Variants in GRIN2B observed in about 807,000 individuals in gnomAD.
GRIN2B encodes glutamate ionotropic receptor NMDA type subunit 2B.
In GRIN2B, 5 loss-of-function variants were observed where a neutral mutation model predicts 114.5. The observed-to-expected ratio is 0.04, with a 90% CI of 0.02 to 0.09. GRIN2B has a LOEUF of 0.09. GRIN2B is among the 10% of genes least tolerant of loss of function. The probability of loss-of-function intolerance (pLI) is 1.00; values close to 1 mark genes in which losing one functional copy is unlikely to be tolerated. For synonymous variants in GRIN2B, 787 were observed against 745.1 expected (o/e 1.06, Z -0.92); for missense variants, 1,108 against 1,943.5 (o/e 0.57, Z 8.08).
intron 2 of GRIN2B, among the ~76,000 whole-genome samples, chr12:13,867,882 T>G (rs990266338): frequency 1.4e-5 from 2 of 145,100 alleles, no homozygotes; most frequent in African/African-American, 5.1e-5. Flanking sequence ...GCTTCAGATC[T>G]CCTGCTTGTT....
chr12:13,726,489 C>T (rs150265317), intron 4 of GRIN2B, among the ~76,000 whole-genome samples: 2,337 of 150,868 alleles, frequency 0.015, 66 homozygotes, highest in African/African-American at 0.054. Flanking sequence ...GAGCCAAGAT[C>T]ATGCCACTGC....
At chr12:13,759,009 T>C (rs1287679204) in intron 3 of GRIN2B, among the ~76,000 whole-genome samples, 2 of 139,438 alleles carry the variant, frequency 1.4e-5, no homozygotes, top group East Asian at 4.1e-4. Flanking sequence ...TTTTTTTTTT[T>C]TTTTTTTTTT....
At chr12:13,696,933 G>A (rs79671488) in intron 4 of GRIN2B, among the ~76,000 whole-genome samples, 14,150 of 152,174 alleles carry the variant, frequency 0.093, 844 homozygotes, top group Middle Eastern at 0.23. Flanking sequence ...TGCTTTAGCC[G>A]TTCTTTATGC....
At chr12:13,692,915 C>T (rs1272230680) in intron 4 of GRIN2B, among the ~76,000 whole-genome samples, 2 of 150,878 alleles carry the variant, frequency 1.3e-5, no homozygotes, top group Non-Finnish European at 3.0e-5. Flanking sequence ...ATTACAGGCG[C>T]CTGCCACCAC....
intron 10 of GRIN2B, among the ~76,000 whole-genome samples, chr12:13,576,138 T>G (rs1270998847): frequency 2.6e-5 from 4 of 152,186 alleles, no homozygotes; most frequent in Non-Finnish European, 4.4e-5. Context: ...TGGTGAGATC[T>G]GTGAAGTTTA....
chr12:13,886,880 C>CA (rs1206847118), intron 2 of GRIN2B, among the ~76,000 whole-genome samples: 1 of 152,322 alleles, frequency 6.6e-6, no homozygotes, highest in East Asian at 1.9e-4. Context: ...ATGCACACTC[C>CA]AAGTGCTTTA....
At chr12:13,854,077 T>C (rs914308527) in intron 3 of GRIN2B, among the ~76,000 whole-genome samples, 2 of 152,122 alleles carry the variant, frequency 1.3e-5, no homozygotes, top group Admixed American at 1.3e-4. Context: ...AGTTTTGAAC[T>C]GATGGTAGAG....
At chr12:13,832,896 A>T (rs1200289649) in intron 3 of GRIN2B, among the ~76,000 whole-genome samples, 1 of 152,182 alleles carries the variant, frequency 6.6e-6, no homozygotes, top group East Asian at 1.9e-4. Flanking sequence ...TTATATGTTT[A>T]CCATGAAATT....
chr12:13,814,418 A>T (rs147977114), intron 3 of GRIN2B, among the ~76,000 whole-genome samples: 14 of 152,196 alleles, frequency 9.2e-5, no homozygotes, highest in African/African-American at 3.4e-4. Context: ...CTTATTTTAT[A>T]TGTTTTAGGA....
chr12:13,946,370 A>T (rs7310209), intron 2 of GRIN2B, among the ~76,000 whole-genome samples: 6,965 of 152,210 alleles, frequency 0.046, 531 homozygotes, highest in African/African-American at 0.16. Flanking sequence ...ATCCATTTTT[A>T]AAATGTAAGA....
chr12:13,699,829 C>A lies in GRIN2B; in HGVS notation c.1011-23970G>T, dbSNP rs180883415. On this transcript the variant is annotated intron_variant, in intron 4 of 13. Coordinates refer to ENST00000609686, the MANE Select transcript of GRIN2B (RefSeq NM_000834.5). ...GTCTTGAACTCCTGACCTTGTGATCCGCCCACCTCAGCCTCCCGAAGTGCT... is the reference window on the plus strand; with the variant it reads ...GTCTTGAACTCCTGACCTTGTGATCAGCCCACCTCAGCCTCCCGAAGTGCT... Among the ~76,000 whole-genome samples the A allele has an allele frequency of 5.9e-3, 895 of 151,596 alleles. 3 individuals are homozygous for A. The highest frequency in any genetic ancestry group is 0.01 in the Non-Finnish European group (682 of 67,896).
intron 9 of GRIN2B, among the ~76,000 whole-genome samples, chr12:13,611,107 T>TCA (rs558323100): frequency 7.2e-5 from 11 of 152,206 alleles, no homozygotes; most frequent in Admixed American, 1.3e-4. Flanking sequence ...TGGGCAGCCC[T>TCA]CACATCTCTA....
chr12:13,929,244 GACAA>G (rs758731176), intron 2 of GRIN2B, among the ~76,000 whole-genome samples: 8 of 152,054 alleles, frequency 5.3e-5, no homozygotes, highest in Non-Finnish European at 1.0e-4. Context: ...TTATTTTTAA[GACAA>G]ACAAAAAAAC....
intron 5 of GRIN2B, among the ~76,000 whole-genome samples, chr12:13,650,485 T>C (rs1949803008): frequency 6.6e-6 from 1 of 152,110 alleles, no homozygotes; most frequent in Non-Finnish European, 1.5e-5. Flanking sequence ...CCCCTTTACA[T>C]GTGTGTTGAT....
At chr12:13,732,943 A>G (rs923515743) in intron 4 of GRIN2B, among the ~76,000 whole-genome samples, 2 of 152,220 alleles carry the variant, frequency 1.3e-5, no homozygotes, top group Non-Finnish European at 2.9e-5. Flanking sequence ...TTAAACTGCA[A>G]TGGTGAGTGA....
At chr12:13,706,139 A>T (rs182176123) in intron 4 of GRIN2B, among the ~76,000 whole-genome samples, 82 of 152,204 alleles carry the variant, frequency 5.4e-4, no homozygotes, top group African/African-American at 1.9e-3. Flanking sequence ...TATGCCACCA[A>T]GACCTCTAGA....
chr12:13,663,189 C>T (rs1949941350), intron 5 of GRIN2B, among the ~76,000 whole-genome samples: 1 of 152,164 alleles, frequency 6.6e-6, no homozygotes, highest in African/African-American at 2.4e-5. Flanking sequence ...CCCTCACCTA[C>T]CATTTCACCG....
At chr12:13,750,211 G>A (rs1032011096) in intron 4 of GRIN2B, among the ~76,000 whole-genome samples, 1 of 152,158 alleles carries the variant, frequency 6.6e-6, no homozygotes, top group African/African-American at 2.4e-5. Context: ...TTCCCTGTAG[G>A]ACTGCTACAC....
chr12:13,654,411 T>C (rs1949844052), intron 5 of GRIN2B, among the ~76,000 whole-genome samples: 1 of 152,208 alleles, frequency 6.6e-6, no homozygotes, highest in Non-Finnish European at 1.5e-5. Flanking sequence ...TTCTGTTTGC[T>C]TGTTTGTATA....
Sources: allele counts gnomAD v4.1 joint callset (sites outside exome capture counted in the v4.1 genomes callset), GRCh38; gene constraint gnomAD v4.1.1; transcripts MANE v1.5; gene names NCBI Gene and HGNC (gene_info 2026-07-23, HGNC 2026-07-21).